Variants in CPNE5 observed in about 807,000 individuals in gnomAD.
CPNE5 encodes copine 5.
CPNE5 carries 42 observed loss-of-function variants against 81.1 expected under a neutral mutation model. The observed-to-expected ratio is 0.52, with a 90% CI of 0.40 to 0.67. CPNE5 has a LOEUF of 0.67. Among genes scored for constraint, CPNE5 ranks in the 30% least tolerant of loss-of-function variants. The pLI is 0.00. For missense variants in CPNE5, 612 were observed against 815.5 expected, an observed-to-expected ratio of 0.75 and a Z score of 3.04; for synonymous variants, 313 against 321.5, an observed-to-expected ratio of 0.97 and a Z score of 0.28.
chr6:36,795,455 AG>A (rs1161798801), intron 6 of CPNE5, among the ~76,000 whole-genome samples: 3 of 152,226 alleles, frequency 2.0e-5, no homozygotes, highest in African/African-American at 7.2e-5. Context: ...ATTGGATTAC[AG>A]GCGTGAGCCA....
chr6:36,839,907 G>A (rs1317354355), upstream of CPNE5: 2 of 151,452 alleles, frequency 1.3e-5, no homozygotes, highest in East Asian at 1.9e-4. This position sits in a 1 kb window ranked among gnomAD's most constrained non-coding sequence, Gnocchi z 7.3. Flanking sequence ...TCTTGGCGCC[G>A]GCGGCGACGG....
At position 36,802,564 on chromosome 6, in the gene CPNE5, G is replaced by A. The variant is rs549871838; in HGVS notation, c.184-2494C>T. ...TCTCAAAGTAGTAAGACAGGCAGGTGCAAAGCAAAATATTTTAAATGGGCA... is the reference window on the plus strand; with the variant it reads ...TCTCAAAGTAGTAAGACAGGCAGGTACAAAGCAAAATATTTTAAATGGGCA... On this transcript the variant is annotated intron_variant, in intron 3 of 20. Transcript: ENST00000244751. Among the ~76,000 whole-genome samples the A allele has an allele frequency of 5.3e-5, 8 of 152,006 alleles. No homozygotes were observed. In the South Asian group the frequency reaches 1.7e-3, roughly 32 times the overall value.
chr6:36,779,080 G>T, intron 8 of CPNE5, 123 bp from the exon 9 acceptor site: 1 of 676,272 alleles, frequency 1.5e-6, no homozygotes, highest in South Asian at 1.8e-5. Flanking sequence ...CTAAGTGCCA[G>T]GCCCTTATTC....
chr6:36,808,778 A>G (rs1309554588), intron 3 of CPNE5, among the ~76,000 whole-genome samples: 16 of 152,222 alleles, frequency 1.1e-4, no homozygotes, highest in African/African-American at 2.9e-4. Context: ...CCATAAGGTC[A>G]TTCATTTAAG....
At chr6:36,756,812 G>A (rs1456494798) in intron 12 of CPNE5, among the ~76,000 whole-genome samples, 1 of 152,174 alleles carries the variant, frequency 6.6e-6, no homozygotes, top group Non-Finnish European at 1.5e-5. Flanking sequence ...AACCTCTTTA[G>A]CTATTCTTTG....
chr6:36,767,422 C>T (rs1766656703), intron 10 of CPNE5, among the ~76,000 whole-genome samples: 1 of 152,202 alleles, frequency 6.6e-6, no homozygotes, highest in African/African-American at 2.4e-5. Context: ...CAGTGACTTG[C>T]CTAGAGTCAC....
At chr6:36,775,983 A>G (rs749557947) in intron 9 of CPNE5, among the ~76,000 whole-genome samples, 10 of 152,172 alleles carry the variant, frequency 6.6e-5, no homozygotes, top group Non-Finnish European at 1.2e-4. Flanking sequence ...CCCCTAACTT[A>G]GACGATCTTT....
intron 3 of CPNE5, among the ~76,000 whole-genome samples, chr6:36,817,499 C>T (rs1275386002): frequency 6.6e-6 from 1 of 152,152 alleles, no homozygotes; most frequent in African/African-American, 2.4e-5. Context: ...CATTCTCACT[C>T]TACAACTCCA....
At position 36,760,344 on chromosome 6, in the gene CPNE5, T is replaced by A. The variant is rs1408641575; in HGVS notation, c.855+2573A>T. Among the ~76,000 whole-genome samples, 7 of 151,910 alleles carry A rather than the reference T, an allele frequency of 4.6e-5. No homozygotes were observed. In the East Asian group the frequency reaches 1.4e-3, roughly 29 times the overall value. On this transcript the variant is annotated intron_variant, in intron 12 of 20. Coordinates refer to ENST00000244751, the MANE Select transcript of CPNE5 (RefSeq NM_020939.2). ...ATCTCAGCTGCGGTGGGAGCATCTTTCAGTATCTCTTCCCACCTCCCATGT... is the reference window on the plus strand; with the variant it reads ...ATCTCAGCTGCGGTGGGAGCATCTTACAGTATCTCTTCCCACCTCCCATGT...
intron 3 of CPNE5, among the ~76,000 whole-genome samples, chr6:36,805,180 A>T (rs1223641639): frequency 1.3e-5 from 2 of 152,246 alleles, no homozygotes; most frequent in African/African-American, 4.8e-5. Context: ...TTTTCAAGCC[A>T]GAAGGGACTT....
intron 1 of CPNE5, among the ~76,000 whole-genome samples, chr6:36,830,330 C>T (rs1051705134): frequency 1.2e-4 from 19 of 152,186 alleles, no homozygotes; most frequent in African/African-American, 4.1e-4. Flanking sequence ...CCCAAACAAA[C>T]GACTGAAGAG....
At position 36,778,892 on chromosome 6, in the gene CPNE5, G is replaced by T; in HGVS notation, c.594C>A (p.Asp198Glu). ...LDKKDFFGKS[D>E]PFLVFYRSNE... is the part of the protein sequence containing the mutation. ...TGCTTCTGTAGAATACCAAGAAGGG[G>T]TCAGATTTCCCAAAGAAATCTTTCT... The change falls in exon 9 of 21, where the codon GAC (aspartate) becomes GAA (glutamate). Residue 198 changes from aspartate (D) to glutamate (E), a missense_variant. Physicochemically the swap from Asp to Glu is conservative, Grantham distance 45 (BLOSUM62 2). Transcript: ENST00000244751. 1 of 1,607,036 alleles carries T rather than the reference G, an allele frequency of 6.2e-7. No individual in the cohort carries two copies. The highest frequency in any genetic ancestry group is 1.7e-4 in the Middle Eastern group (1 of 6,032).
intron 14 of CPNE5, among the ~76,000 whole-genome samples, chr6:36,751,823 A>AC (rs1386735267): frequency 2.0e-5 from 3 of 151,394 alleles, no homozygotes; most frequent in Admixed American, 6.6e-5. Context: ...AATAAAATAA[A>AC]ATAAACATAA....
intron 1 of CPNE5, among the ~76,000 whole-genome samples, chr6:36,828,544 T>C (rs1772718426): frequency 6.6e-6 from 1 of 152,206 alleles, no homozygotes; most frequent in Non-Finnish European, 1.5e-5. Context: ...ATCAATGCAC[T>C]GAGCAAAGGC....
intron 12 of CPNE5, among the ~76,000 whole-genome samples, chr6:36,758,868 G>T (rs1162361348): frequency 6.6e-6 from 1 of 152,206 alleles, no homozygotes; most frequent in Non-Finnish European, 1.5e-5. Context: ...CGGGAGAGAA[G>T]ACCAGAGCAC....
intron 8 of CPNE5, among the ~76,000 whole-genome samples, chr6:36,785,283 A>G (rs770495335): frequency 2.6e-5 from 4 of 152,156 alleles, no homozygotes; most frequent in Non-Finnish European, 5.9e-5. Flanking sequence ...GTTGGGTCTC[A>G]ATGGCAGCTT....
chr6:36,839,686 T>G (rs1583088467), upstream of CPNE5: 10 of 222,352 alleles, frequency 4.5e-5, no homozygotes, highest in East Asian at 1.0e-4. This position sits in a 1 kb window ranked among gnomAD's most constrained non-coding sequence, Gnocchi z 7.3. Flanking sequence ...GGAGAGGGGC[T>G]CGGGGAGAGG....
chr6:36,807,643 G>A (rs1048794560), intron 3 of CPNE5, among the ~76,000 whole-genome samples: 1 of 151,924 alleles, frequency 6.6e-6, no homozygotes, highest in Non-Finnish European at 1.5e-5. Flanking sequence ...ACACCTGAGA[G>A]GGTTTTCGTC....
At chr6:36,792,191 G>T in intron 7 of CPNE5, 95 bp from the exon 8 acceptor site, 2 of 870,196 alleles carry the variant, frequency 2.3e-6, no homozygotes, top group East Asian at 2.6e-5. Flanking sequence ...ATCCTCCCCC[G>T]CCCCCTACCA....
Sources: gnomAD v4.1 joint callset for allele counts (sites outside exome capture counted in the v4.1 genomes callset) on GRCh38, gnomAD v4.1.1 for gene constraint, Gnocchi (gnomAD v3.1) non-coding constraint, MANE v1.5 for transcripts, NCBI Gene and HGNC (gene_info 2026-07-23, HGNC 2026-07-21) for gene names.